ATPSCKMT: variants seen among roughly 807,000 people sequenced by gnomAD.
ATPSCKMT encodes ATP synthase subunit C lysine N-methyltransferase.
In ATPSCKMT, 24 loss-of-function variants were observed where a neutral mutation model predicts 24.3. The ratio of observed to expected loss-of-function variants is 0.99; its 90% confidence interval spans 0.71 to 1.39. The LOEUF (loss-of-function observed/expected upper bound fraction) is 1.39. Among genes scored for constraint, ATPSCKMT ranks in the 40% most tolerant of loss-of-function variants. ATPSCKMT has a pLI of 0.00. For missense variants in ATPSCKMT, 311 were observed against 298.4 expected (o/e 1.04, Z -0.31); for synonymous variants, 95 against 110.5 (o/e 0.86, Z 0.88).
At chr5:10,238,042 G>A (rs1744453657) in intron 2 of ATPSCKMT, among the ~76,000 whole-genome samples, 1 of 152,202 alleles carries the variant, frequency 6.6e-6, no homozygotes, top group Non-Finnish European at 1.5e-5. Flanking sequence ...ACCACACCTG[G>A]CCACTAATAA....
At chr5:10,228,323 C>T (rs1024379724) in intron 4 of ATPSCKMT, among the ~76,000 whole-genome samples, 6 of 152,104 alleles carry the variant, frequency 3.9e-5, no homozygotes, top group Admixed American at 3.9e-4. Flanking sequence ...CACAATTCTA[C>T]CAACTGGAAA....
intron 4 of ATPSCKMT, among the ~76,000 whole-genome samples, chr5:10,232,386 G>A (rs57586370): frequency 0.17 from 26,402 of 152,204 alleles, 3,781 homozygotes; most frequent in East Asian, 0.76. Flanking sequence ...CTGGAGGCCT[G>A]GGCCAGCTAG....
intron 1 of ATPSCKMT, among the ~76,000 whole-genome samples, chr5:10,241,099 G>A (rs145789022): frequency 8.6e-5 from 13 of 151,982 alleles, no homozygotes; most frequent in African/African-American, 1.7e-4. Context: ...GGGGGCCCTC[G>A]GGCAGGTTTT....
intron 1 of ATPSCKMT, 138 bp downstream of exon 1, chr5:10,249,720 G>A: frequency 7.4e-7 from 1 of 1,349,674 alleles, no homozygotes; most frequent in Non-Finnish European, 9.9e-7. Context: ...GGTCACCGAA[G>A]GCCAGGCTGG....
chr5:10,230,180 A>T (rs974423519), intron 4 of ATPSCKMT, among the ~76,000 whole-genome samples: 1 of 152,198 alleles, frequency 6.6e-6, no homozygotes, highest in Non-Finnish European at 1.5e-5. Flanking sequence ...CTAAATTCTA[A>T]TTCTTCATTA....
chr5:10,237,691 T>TG (rs1367076619), intron 2 of ATPSCKMT, among the ~76,000 whole-genome samples: 2 of 152,178 alleles, frequency 1.3e-5, no homozygotes, highest in African/African-American at 4.8e-5. Flanking sequence ...ACCTCTTTCT[T>TG]TTGTAAACTG....
chr5:10,239,619 T>A (rs1211581799), intron 1 of ATPSCKMT, among the ~76,000 whole-genome samples: 1 of 152,222 alleles, frequency 6.6e-6, no homozygotes, highest in Non-Finnish European at 1.5e-5. Context: ...CTAGGAGTCA[T>A]CCTTACAAAA....
rs376781776 is a variant in ATPSCKMT, at chr5:10,235,181, C to A, written c.495+30G>T. On this transcript the variant is annotated intron_variant, in intron 4 of 4. Coordinates refer to ENST00000511437, the MANE Select transcript of ATPSCKMT (RefSeq NM_199133.4). Reference sequence around the variant, plus strand: ...AAGGGCCTTCAACATCATCTAACCCCAAACAGAGAGCAGGAAAGTGCATAC... The same window carrying A: ...AAGGGCCTTCAACATCATCTAACCCAAAACAGAGAGCAGGAAAGTGCATAC... 4.3e-6 allele frequency: 7 copies of A among 1,611,718 alleles called. No individual in the cohort carries two copies. In the African/African-American group the frequency reaches 9.4e-5, roughly 22 times the overall value.
chr5:10,247,017 T>A (rs1489826935), intron 1 of ATPSCKMT, among the ~76,000 whole-genome samples: 3 of 152,014 alleles, frequency 2.0e-5, no homozygotes, highest in Admixed American at 6.6e-5. Flanking sequence ...GAGCACAGAG[T>A]GAGAGACAAA....
chr5:10,241,788 T>C (rs1033364758), intron 1 of ATPSCKMT, among the ~76,000 whole-genome samples: 2 of 152,342 alleles, frequency 1.3e-5, no homozygotes, highest in East Asian at 3.9e-4. Flanking sequence ...AAAGTGAGTA[T>C]TGCAATAAAG....
rs1745199157 is a variant in ATPSCKMT, at chr5:10,249,639, T to A, written c.16+219A>T. On this transcript the variant is annotated intron_variant, in intron 1 of 4. Transcript: ENST00000511437. ...TTGCACTAAGTAGCCTAGAACAGTCTCTGGGGAAACGCGCCCGCCGACAAG... is the reference window on the plus strand; with the variant it reads ...TTGCACTAAGTAGCCTAGAACAGTCACTGGGGAAACGCGCCCGCCGACAAG... The A allele has an allele frequency of 4.4e-6, 3 of 683,194 alleles. No individual in the cohort carries two copies. The Admixed American group carries it at 1.1e-4, about 24-fold the overall frequency. The allele number at this position is 683,194 out of a possible 1,614,324, so 42.3% of individuals were successfully genotyped here. A position where few individuals can be genotyped will look rare whatever the true frequency, so the allele number is the denominator to read the frequency against.
At chr5:10,231,482 T>C (rs1225516454) in intron 4 of ATPSCKMT, among the ~76,000 whole-genome samples, 1 of 151,904 alleles carries the variant, frequency 6.6e-6, no homozygotes, top group African/African-American at 2.4e-5. Flanking sequence ...GTCCTTCCCA[T>C]CCTGCTTCCT....
chr5:10,249,154 A>G (rs1343928074), intron 1 of ATPSCKMT, among the ~76,000 whole-genome samples: 3 of 151,800 alleles, frequency 2.0e-5, no homozygotes, highest in Admixed American at 2.0e-4. Context: ...CTGTAGTCCC[A>G]GCTGCCTGGG....
intron 4 of ATPSCKMT, among the ~76,000 whole-genome samples, chr5:10,232,718 G>A (rs751551591): frequency 8.5e-5 from 13 of 152,228 alleles, no homozygotes; most frequent in African/African-American, 1.2e-4. Flanking sequence ...AGAGAAGGAC[G>A]GAGGGCTGGT....
At chr5:10,232,936 T>C (rs1744217337) in intron 4 of ATPSCKMT, among the ~76,000 whole-genome samples, 1 of 152,256 alleles carries the variant, frequency 6.6e-6, no homozygotes, top group Non-Finnish European at 1.5e-5. Context: ...AACATGGATG[T>C]TCACAACCCC....
intron 1 of ATPSCKMT, among the ~76,000 whole-genome samples, chr5:10,245,437 T>A (rs1744871853): frequency 6.6e-6 from 1 of 150,582 alleles, no homozygotes; most frequent in Non-Finnish European, 1.5e-5. Context: ...AATAATAAAA[T>A]AAAATAAATA....
At chr5:10,245,405 G>C (rs938387509) in intron 1 of ATPSCKMT, among the ~76,000 whole-genome samples, 11 of 152,028 alleles carry the variant, frequency 7.2e-5, no homozygotes, top group African/African-American at 2.7e-4. Context: ...GGGTGACAAA[G>C]TGAGACTCCG....
intron 4 of ATPSCKMT, among the ~76,000 whole-genome samples, chr5:10,229,818 G>C (rs1390943316): frequency 6.6e-6 from 1 of 152,104 alleles, no homozygotes; most frequent in Non-Finnish European, 1.5e-5. Context: ...TTGTGTATTC[G>C]AATGCTCGAA....
rs1412275606 is a variant in ATPSCKMT at position 10,244,864 on chromosome 5, C to T, written c.16+4994G>A. On this transcript the variant is annotated intron_variant, in intron 1 of 4. Transcript: ENST00000511437. The stretch of plus-strand genomic sequence containing the variant: ...CTGAGGCTGCAGTGAGCCGTGATCG[C>T]ACCATTACATTCCAGCCTGGACAAC... Among the ~76,000 whole-genome samples the T allele has an allele frequency of 4.0e-5, 6 of 150,502 alleles. No individual in the cohort carries two copies. The East Asian group carries it at 7.8e-4, about 20-fold the overall frequency.
Sources: gnomAD v4.1 joint callset for allele counts (sites outside exome capture counted in the v4.1 genomes callset) on GRCh38, gnomAD v4.1.1 for gene constraint, MANE v1.5 for transcripts, NCBI Gene and HGNC (gene_info 2026-07-23, HGNC 2026-07-21) for gene names.